VIPR2: variants seen among roughly 807,000 people sequenced by gnomAD.
The protein encoded by VIPR2 is vasoactive intestinal peptide receptor 2.
VIPR2 carries 48 observed loss-of-function variants against 58.0 expected under a neutral mutation model. The ratio of observed to expected loss-of-function variants is 0.83; its 90% CI spans 0.66 to 1.05. The LOEUF is 1.05. VIPR2 is among the 50% of genes least tolerant of loss of function. VIPR2 has a pLI of 0.00. For synonymous variants in VIPR2, 243 were observed against 235.2 expected (o/e 1.03, Z -0.30); for missense variants, 534 against 558.0 (o/e 0.96, Z 0.43).
At chr7:159,092,052 G>A (rs933140850) in intron 4 of VIPR2, among the ~76,000 whole-genome samples, 3 of 152,168 alleles carry the variant, frequency 2.0e-5, no homozygotes, top group Non-Finnish European at 2.9e-5. Context: ...AGATTATGCC[G>A]CTGAACTCCT....
intron 2 of VIPR2, among the ~76,000 whole-genome samples, chr7:159,141,049 G>A (rs538020406): frequency 6.6e-6 from 1 of 152,154 alleles, no homozygotes; most frequent in Admixed American, 6.5e-5. Flanking sequence ...GAACTTGGAG[G>A]TGAGGAGGGC....
chr7:159,045,972 A>C (rs1271081754), intron 5 of VIPR2, among the ~76,000 whole-genome samples: 1 of 151,734 alleles, frequency 6.6e-6, no homozygotes, highest in Non-Finnish European at 1.5e-5. Flanking sequence ...ATTTCTCCAA[A>C]GATATACAAA....
rs1353919826 is a variant in VIPR2 at position 159,142,326 on chromosome 7, CCTTT to C, written c.151+116_151+119del. The C allele has an allele frequency of 5.5e-5, 39 of 715,466 alleles. No homozygotes were observed. The East Asian group carries it at 6.9e-4, about 13-fold the overall frequency. 44.3% of individuals were successfully genotyped at this position (715,466 alleles called of 1,614,324 possible). A position where few individuals can be genotyped will look rare whatever the true frequency, so the allele number is the denominator to read the frequency against. On this transcript the variant is annotated intron_variant, in intron 2 of 12. Transcript: ENST00000262178. ...TTCATTAACAAACAATGGGAAGTGG[CCTTT>C]CTTTTTCTTTTTTTTTTTTTAAGAT...
intron 4 of VIPR2, chr7:159,059,261 G>C (rs1042318205): frequency 2.1e-6 from 1 of 471,010 alleles, no homozygotes; most frequent in Admixed American, 2.3e-5. Flanking sequence ...ACCAGTGCCT[G>C]TTGCGATAAA....
chr7:159,034,627 C>G lies in VIPR2; in HGVS notation c.833G>C (p.Ser278Thr), dbSNP rs879002122. 5 of 1,614,044 alleles carry G rather than the reference C, an allele frequency of 3.1e-6. No homozygotes were observed. Among genetic ancestry groups the G allele is most frequent in the South Asian group, 2.2e-5 (2 of 91,060 alleles). ...DTGCWDTNDH[S>T]VPWWVIRIPI... ...TATTCGTATGACCCACCAGGGCACA[C>G]TGTGGTCGTTTGTATCCCAGCAACT... The change falls in exon 9 of 13, where the codon AGT (serine) becomes ACT (threonine). Residue 278 changes from serine to threonine, a missense_variant. Transcript: ENST00000262178.
At chr7:159,142,183 G>A (rs1306978869) in intron 2 of VIPR2, among the ~76,000 whole-genome samples, 2 of 152,298 alleles carry the variant, frequency 1.3e-5, no homozygotes, top group South Asian at 2.1e-4. Flanking sequence ...AATTGTTTTA[G>A]TAACTGTTGC....
At chr7:159,062,209 G>A (rs1855720609) in intron 4 of VIPR2, among the ~76,000 whole-genome samples, 1 of 152,210 alleles carries the variant, frequency 6.6e-6, no homozygotes, top group Non-Finnish European at 1.5e-5. Flanking sequence ...GAAGGGTTCA[G>A]CCTGAGCCCC....
intron 5 of VIPR2, among the ~76,000 whole-genome samples, chr7:159,043,603 G>T (rs1854476510): frequency 6.6e-6 from 1 of 152,206 alleles, no homozygotes; most frequent in Non-Finnish European, 1.5e-5. Flanking sequence ...GGAAGGCCCT[G>T]AATAGGCAGA....
intron 4 of VIPR2, among the ~76,000 whole-genome samples, chr7:159,087,794 T>G (rs1280286524): frequency 5.6e-5 from 8 of 142,278 alleles, no homozygotes; most frequent in Non-Finnish European, 1.1e-4. Flanking sequence ...AGGACTTGGA[T>G]AGTGAGATAC....
At chr7:159,118,966 C>T (rs1796349673) in intron 2 of VIPR2, among the ~76,000 whole-genome samples, 1 of 152,236 alleles carries the variant, frequency 6.6e-6, no homozygotes, top group Non-Finnish European at 1.5e-5. Flanking sequence ...CTATAATTTC[C>T]TTCAGAGGAA....
intron 4 of VIPR2, among the ~76,000 whole-genome samples, chr7:159,084,933 T>C (rs1383532081): frequency 1.3e-5 from 2 of 152,236 alleles, no homozygotes; most frequent in African/African-American, 4.8e-5. Context: ...CTGCAATCTT[T>C]TCCAAGGGCA....
At chr7:159,054,376 A>G (rs1466698610) in intron 5 of VIPR2, among the ~76,000 whole-genome samples, 1 of 152,246 alleles carries the variant, frequency 6.6e-6, no homozygotes, top group Admixed American at 6.5e-5. Context: ...CTGTTTATCC[A>G]AAGACCACGA....
chr7:159,052,365 C>T (rs556534536), intron 5 of VIPR2, among the ~76,000 whole-genome samples: 43 of 152,184 alleles, frequency 2.8e-4, no homozygotes, highest in African/African-American at 9.2e-4. Context: ...ACAAAGAAAC[C>T]GAGAGTCTGA....
chr7:159,043,697 T>C (rs534222494), intron 5 of VIPR2, among the ~76,000 whole-genome samples: 62 of 152,338 alleles, frequency 4.1e-4, no homozygotes, highest in African/African-American at 1.4e-3. Context: ...GTTCCTATTG[T>C]GGGTACTTGG....
Position 159,127,855 on chromosome 7 carries a change from G to A in VIPR2, c.151+14591C>T, listed in dbSNP as rs759403346. On this transcript the variant is annotated intron_variant, in intron 2 of 12. Coordinates refer to ENST00000262178, the MANE Select transcript of VIPR2 (RefSeq NM_003382.5). This position sits in a 1 kb window ranked among gnomAD's most constrained non-coding sequence, Gnocchi z 4.6. ...CTCGGATGCTGCTGGGGCCGCAGGG[G>A]CTTAGGGCTGGGGCCACGCGAGGCC... Among the ~76,000 whole-genome samples, 6 of 152,308 alleles carry A rather than the reference G, an allele frequency of 3.9e-5. No individual in the cohort carries two copies. Among genetic ancestry groups the A allele is most frequent in the Non-Finnish European group, 8.8e-5 (6 of 68,010 alleles).
intron 2 of VIPR2, among the ~76,000 whole-genome samples, chr7:159,134,473 A>G (rs1242386998): frequency 6.6e-6 from 1 of 152,214 alleles, no homozygotes; most frequent in Non-Finnish European, 1.5e-5. Context: ...TCCAGAATAA[A>G]AAAGAAGAAA....
chr7:159,037,568 CTG>C (rs1339132966), intron 6 of VIPR2, among the ~76,000 whole-genome samples: 2 of 152,106 alleles, frequency 1.3e-5, no homozygotes, highest in Non-Finnish European at 2.9e-5. Flanking sequence ...TTGTAAAAAA[CTG>C]GTTTTAATAT....
At chr7:159,082,451 A>G (rs1450147615) in intron 4 of VIPR2, among the ~76,000 whole-genome samples, 1 of 149,804 alleles carries the variant, frequency 6.7e-6, no homozygotes, top group Non-Finnish European at 1.5e-5. Flanking sequence ...AACATCACAC[A>G]CCGGGGACTG....
At chr7:159,069,320 G>A (rs2129494478) in intron 4 of VIPR2, among the ~76,000 whole-genome samples, 1 of 152,274 alleles carries the variant, frequency 6.6e-6, no homozygotes, top group East Asian at 1.9e-4. Flanking sequence ...GACCCTGCCA[G>A]TCCCTGCTTT....
Sources: gnomAD v4.1 joint callset for allele counts (sites outside exome capture counted in the v4.1 genomes callset) on GRCh38, gnomAD v4.1.1 for gene constraint, Gnocchi (gnomAD v3.1) non-coding constraint, MANE v1.5 for transcripts, NCBI Gene and HGNC (gene_info 2026-07-23, HGNC 2026-07-21) for gene names.